Variants in NPEPPS observed in about 807,000 individuals in gnomAD.
NPEPPS encodes aminopeptidase puromycin sensitive.
In NPEPPS, 14 loss-of-function variants were observed where a neutral mutation model predicts 115.5. The observed-to-expected ratio is 0.12, with a 90% CI of 0.08 to 0.19. The LOEUF (loss-of-function observed/expected upper bound fraction) is 0.19. NPEPPS is among the 10% of genes least tolerant of loss of function. The pLI is 1.00. For missense variants in NPEPPS, 523 were observed against 1,110.8 expected (o/e 0.47, Z 7.52); for synonymous variants, 285 against 390.6 (o/e 0.73, Z 3.19).
Position 47,601,726 on chromosome 17 carries a change from C to G in NPEPPS, c.1719C>G (p.Val573=). ...AGATGAATGTGGTTTTGAAAAATGTCAAACCAGACCAATGGGTGAAGGTGA... is the reference window on the plus strand; with the variant it reads ...AGATGAATGTGGTTTTGAAAAATGTGAAACCAGACCAATGGGTGAAGGTGA... ...KPEMNVVLKN[V]KPDQWVKLNL... Residue 573 remains valine, a synonymous_variant, in exon 15 of 23, where the codon GTC becomes GTG. Coordinates refer to ENST00000322157, the MANE Select transcript of NPEPPS (RefSeq NM_006310.4). 6.8e-6 allele frequency: 11 copies of G among 1,613,414 alleles called. No homozygotes were observed. The highest frequency in any genetic ancestry group is 9.3e-6 in the Non-Finnish European group (11 of 1,179,692).
At chr17:47,608,325 C>T (rs1288527043) in intron 17 of NPEPPS, among the ~76,000 whole-genome samples, 1 of 152,156 alleles carries the variant, frequency 6.6e-6, no homozygotes, top group South Asian at 2.1e-4. Flanking sequence ...CATGGTGGCA[C>T]ACGCCTGTAG....
chr17:47,543,662 A>G (rs1477829750), intron 1 of NPEPPS, among the ~76,000 whole-genome samples: 1 of 151,846 alleles, frequency 6.6e-6, no homozygotes, highest in Non-Finnish European at 1.5e-5. Context: ...ATTGTCAAAA[A>G]TATTAAAGTT....
At chr17:47,595,473 A>G (rs1322379582) in intron 12 of NPEPPS, among the ~76,000 whole-genome samples, 1 of 152,232 alleles carries the variant, frequency 6.6e-6, no homozygotes, top group Non-Finnish European at 1.5e-5. Context: ...GTTTCTCCTT[A>G]ACTCATCTGT....
upstream of NPEPPS, among the ~76,000 whole-genome samples, chr17:47,529,737 T>TATATA (rs59313546): frequency 0.012 from 306 of 25,546 alleles, 60 homozygotes; most frequent in Middle Eastern, 0.04. Context: ...TTCAGTTACA[T>TATATA]TATATATATA....
At chr17:47,528,005 AATT>A (rs1309792916), upstream of NPEPPS, among the ~76,000 whole-genome samples, 4 of 151,762 alleles carry the variant, frequency 2.6e-5, no homozygotes, top group African/African-American at 9.7e-5. Context: ...CAGTTAATTA[AATT>A]ATTATTATAT....
At chr17:47,605,136 AAAAG>A (rs1192468992) in intron 16 of NPEPPS, among the ~76,000 whole-genome samples, 193 bp from the exon 17 acceptor site, 7 of 152,264 alleles carry the variant, frequency 4.6e-5, no homozygotes, top group South Asian at 4.1e-4. Flanking sequence ...TGTAAAAAGA[AAAAG>A]AAAAAAATAA....
At chr17:47,578,423 C>T (rs1468647195) in intron 3 of NPEPPS, among the ~76,000 whole-genome samples, 2 of 151,678 alleles carry the variant, frequency 1.3e-5, no homozygotes, top group Non-Finnish European at 2.9e-5. Flanking sequence ...AAAAAGTCAC[C>T]ATTCCTCTAC....
chr17:47,601,837 GAA>G, intron 15 of NPEPPS, 90 bp downstream of exon 15: 13 of 1,037,118 alleles, frequency 1.3e-5, no homozygotes, highest in Middle Eastern at 3.0e-4. Flanking sequence ...TAGTTTCAAA[GAA>G]AAAAAAAAAC....
At chr17:47,537,789 G>T (rs189961839) in intron 1 of NPEPPS, among the ~76,000 whole-genome samples, 1,812 of 151,032 alleles carry the variant, frequency 0.012, 41 homozygotes, top group African/African-American at 0.042. Flanking sequence ...CATAGTGTAG[G>T]TTTGTTTCAT....
intron 2 of NPEPPS, among the ~76,000 whole-genome samples, chr17:47,561,626 C>T (rs566634902): frequency 3.3e-5 from 5 of 152,314 alleles, no homozygotes; most frequent in African/African-American, 1.2e-4. Context: ...AAAACAGAAT[C>T]TCTCTCTGAC....
chr17:47,531,183 C>T lies in NPEPPS; in HGVS notation c.-118C>T, dbSNP rs1197685833. ...TCCGCCCCCTTCCCCGTAGGCAGCC[C>T]GCCCGCCAGTCCGCCCGCACCGCCT... On this transcript the variant is annotated 5_prime_UTR_variant, in exon 1 of 23. Transcript: ENST00000322157. 1.4e-6 allele frequency: 2 copies of T among 1,379,808 alleles called. No individual in the cohort carries two copies. The highest frequency in any genetic ancestry group is 3.0e-5 in the East Asian group (1 of 33,590). 85.5% of individuals were successfully genotyped at this position (1,379,808 alleles called of 1,614,324 possible). A position where few individuals can be genotyped will look rare whatever the true frequency, so the allele number is the denominator to read the frequency against.
chr17:47,606,699 G>C (rs961903838), intron 17 of NPEPPS, among the ~76,000 whole-genome samples: 1 of 152,098 alleles, frequency 6.6e-6, no homozygotes, highest in Non-Finnish European at 1.5e-5. Flanking sequence ...CGTCTCGGCC[G>C]CCCAAAGTGC....
intron 1 of NPEPPS, among the ~76,000 whole-genome samples, chr17:47,539,227 A>C (rs1237006433): frequency 1.3e-5 from 2 of 151,784 alleles, no homozygotes; most frequent in Non-Finnish European, 2.9e-5. Context: ...GAACTTTGCC[A>C]CATAAATGAG....
intron 13 of NPEPPS, among the ~76,000 whole-genome samples, chr17:47,597,462 C>A (rs1912947603): frequency 6.6e-6 from 1 of 152,064 alleles, no homozygotes; most frequent in Admixed American, 6.5e-5. Context: ...ATTCATAGTT[C>A]TTTTTTAGTA....
intron 1 of NPEPPS, 131 bp downstream of exon 1, chr17:47,531,686 G>T: frequency 8.1e-7 from 1 of 1,230,756 alleles, no homozygotes; most frequent in Non-Finnish European, 1.0e-6. Context: ...CAGGGCGCCG[G>T]GTTCGGCGTG....
chr17:47,588,084 C>CTGCCAAAGAGCAGAACCTGATT (rs1394554453), intron 9 of NPEPPS, among the ~76,000 whole-genome samples: 1 of 152,076 alleles, frequency 6.6e-6, no homozygotes, highest in Non-Finnish European at 1.5e-5. Flanking sequence ...ACATTTTAGG[C>CTGCCAAAGAGCAGAACCTGATT]TGCCAAAGAG....
chr17:47,547,436 C>T (rs1008981214), intron 2 of NPEPPS, among the ~76,000 whole-genome samples: 6 of 151,888 alleles, frequency 4.0e-5, no homozygotes, highest in Non-Finnish European at 7.4e-5. Flanking sequence ...ACCTCTGTCT[C>T]CTGGTCTCAA....
intron 3 of NPEPPS, among the ~76,000 whole-genome samples, chr17:47,577,389 C>T (rs1358600176): frequency 3.3e-5 from 5 of 151,840 alleles, no homozygotes; most frequent in Non-Finnish European, 4.4e-5. Flanking sequence ...GTTAGACGTT[C>T]TTTGCAAACT....
intron 1 of NPEPPS, among the ~76,000 whole-genome samples, chr17:47,536,364 G>T (rs1252386255): frequency 6.9e-6 from 1 of 145,758 alleles, no homozygotes; most frequent in Non-Finnish European, 1.5e-5. Context: ...CAAATTTTTT[G>T]CCCAAATTCT....
Sources: gnomAD v4.1 joint callset for allele counts (sites outside exome capture counted in the v4.1 genomes callset) on GRCh38, gnomAD v4.1.1 for gene constraint, MANE v1.5 for transcripts, NCBI Gene and HGNC (gene_info 2026-07-23, HGNC 2026-07-21) for gene names.